The following DHRSX variants were observed in gnomAD, a reference collection of about 807,000 sequenced individuals.
DHRSX encodes dehydrogenase/reductase X-linked.
DHRSX carries 31 observed loss-of-function variants against 34.0 expected under a neutral mutation model. That is an observed-to-expected ratio of 0.91 (90% CI 0.69 to 1.23). The LOEUF (loss-of-function observed/expected upper bound fraction) is 1.23, where lower values mean the gene tolerates loss of function less well. Ranked by LOEUF, DHRSX falls within the 50% of genes most tolerant of loss-of-function variation. The pLI is 0.00. For synonymous variants in DHRSX, 201 were observed against 183.8 expected, an observed-to-expected ratio of 1.09 and a Z score of -0.76; for missense variants, 414 against 428.1, an observed-to-expected ratio of 0.97 and a Z score of 0.29.
chrX:2,488,760 C>A (rs771586037), intron 1 of DHRSX: 3 of 1,613,836 alleles, frequency 1.9e-6, no homozygotes, highest in African/African-American at 1.3e-5. Context: ...GCCTCTGCCC[C>A]ACTCCGGGCG....
At chrX:2,268,589 T>G (rs1488772427) in intron 4 of DHRSX, among the ~76,000 whole-genome samples, 1 of 152,256 alleles carries the variant, frequency 6.6e-6, no homozygotes, top group Non-Finnish European at 1.5e-5. Flanking sequence ...AGATTCATTT[T>G]CAAATGCCTA....
At chrX:2,352,837 C>A (rs2042804550) in intron 3 of DHRSX, among the ~76,000 whole-genome samples, 1 of 152,170 alleles carries the variant, frequency 6.6e-6, no homozygotes, top group South Asian at 2.1e-4. Flanking sequence ...TTCGGACCAG[C>A]ACGGGCATTG....
intron 6 of DHRSX, among the ~76,000 whole-genome samples, chrX:2,231,477 ATCC>A (rs1045892512): frequency 6.3e-5 from 7 of 110,514 alleles, no homozygotes; most frequent in East Asian, 3.0e-4. Flanking sequence ...CCCCCATCTT[ATCC>A]TCCTCCTCTT....
chrX:2,313,006 A>T (rs867060551), intron 3 of DHRSX, among the ~76,000 whole-genome samples: 4,886 of 144,146 alleles, frequency 0.034, 247 homozygotes, highest in African/African-American at 0.11. Context: ...CAAGATATAT[A>T]TTTTTTTTTT....
At chrX:2,253,509 G>A (rs1307313925) in intron 5 of DHRSX, among the ~76,000 whole-genome samples, 3 of 152,224 alleles carry the variant, frequency 2.0e-5, no homozygotes, top group African/African-American at 7.2e-5. Flanking sequence ...TCCAGCCTGG[G>A]AGGCGGACAT....
intron 4 of DHRSX, among the ~76,000 whole-genome samples, chrX:2,290,843 TA>T (rs1276407399): frequency 6.6e-6 from 1 of 152,088 alleles, no homozygotes; most frequent in Non-Finnish European, 1.5e-5. Context: ...TTATAAAAAA[TA>T]AAATGGACTG....
chrX:2,488,291 C>A (rs1170929180), intron 1 of DHRSX: 5 of 257,646 alleles, frequency 1.9e-5, no homozygotes, highest in Non-Finnish European at 3.6e-5. Context: ...ATTCTCTGGC[C>A]TCAGCCTCCA....
chrX:2,300,365 G>A (rs1451182159), intron 3 of DHRSX, among the ~76,000 whole-genome samples: 2 of 152,152 alleles, frequency 1.3e-5, no homozygotes, highest in Non-Finnish European at 2.9e-5. Context: ...TATAATCAGA[G>A]AAACACACAC....
intron 3 of DHRSX, chrX:2,336,314 GT>G (rs2042562975): frequency 6.6e-6 from 1 of 152,164 alleles, no homozygotes; most frequent in Non-Finnish European, 1.5e-5. Context: ...GACTGCAGTA[GT>G]GAGTCTTAGT....
At chrX:2,481,634 C>A (rs2044772932) in intron 1 of DHRSX, among the ~76,000 whole-genome samples, 1 of 151,906 alleles carries the variant, frequency 6.6e-6, no homozygotes, top group Non-Finnish European at 1.5e-5. Flanking sequence ...CCATTGCACT[C>A]CAGCCTGGGC....
intron 2 of DHRSX, among the ~76,000 whole-genome samples, chrX:2,424,248 T>C (rs2043815436): frequency 6.6e-6 from 1 of 151,978 alleles, no homozygotes; most frequent in Non-Finnish European, 1.5e-5. Flanking sequence ...ACATCCAGCC[T>C]CCAGGACTGT....
chrX:2,329,286 G>C (rs1338038775), intron 3 of DHRSX, among the ~76,000 whole-genome samples: 2 of 152,054 alleles, frequency 1.3e-5, no homozygotes, highest in Non-Finnish European at 2.9e-5. Flanking sequence ...TCAAATAGAA[G>C]GCTTTGTTTG....
Position 2,274,374 on chromosome X carries a change from G to A in DHRSX, c.389-7427C>T, listed in dbSNP as rs150280439. On this transcript the variant is annotated intron_variant, in intron 4 of 6. Coordinates refer to ENST00000334651, the MANE Select transcript of DHRSX (RefSeq NM_145177.3). Reference sequence around the variant, plus strand: ...ATTATTTTTTTGGAGACAGAGTCTCGCTCTGTCAACCAAGCTGGAGTGCAG... The same window carrying A: ...ATTATTTTTTTGGAGACAGAGTCTCACTCTGTCAACCAAGCTGGAGTGCAG... Among the ~76,000 whole-genome samples, 380 of 151,372 alleles carry A rather than the reference G, an allele frequency of 2.5e-3. 5 individuals carry two copies. Among genetic ancestry groups the A allele is most frequent in the Admixed American group, 0.018 (267 of 15,164 alleles).
chrX:2,353,580 T>C (rs900007552), intron 3 of DHRSX, among the ~76,000 whole-genome samples: 3 of 130,002 alleles, frequency 2.3e-5, no homozygotes, highest in African/African-American at 5.7e-5. Context: ...TTATAGCTGA[T>C]TGCATTTTTT....
intron 5 of DHRSX, among the ~76,000 whole-genome samples, chrX:2,247,219 G>T (rs1205890668): frequency 6.6e-6 from 1 of 152,078 alleles, no homozygotes; most frequent in Admixed American, 6.6e-5. Context: ...AAAGTGCTGG[G>T]ATTACAGGTG....
intron 4 of DHRSX, among the ~76,000 whole-genome samples, chrX:2,270,054 T>C (rs2041529082): frequency 6.6e-6 from 1 of 152,198 alleles, no homozygotes; most frequent in East Asian, 1.9e-4. Context: ...TAGAGGTGTA[T>C]CCGTAGGTGT....
chrX:2,488,481 C>T, intron 1 of DHRSX: 1 of 1,063,788 alleles, frequency 9.4e-7, no homozygotes, highest in Non-Finnish European at 1.3e-6. Context: ...GACCCTCTCT[C>T]ACTTCTCAAA....
At chrX:2,402,652 AG>A (rs1384074372) in intron 3 of DHRSX, among the ~76,000 whole-genome samples, 5 of 152,294 alleles carry the variant, frequency 3.3e-5, no homozygotes, top group South Asian at 4.1e-4. Flanking sequence ...TGGACATACC[AG>A]GGCCACCACT....
At chrX:2,362,098 G>T (rs192844766) in intron 3 of DHRSX, among the ~76,000 whole-genome samples, 31 of 152,262 alleles carry the variant, frequency 2.0e-4, no homozygotes. Flanking sequence ...TGGAAAAGAG[G>T]CTACAGGCTA....
Sources: gnomAD v4.1 joint callset for allele counts (sites outside exome capture counted in the v4.1 genomes callset) on GRCh38, gnomAD v4.1.1 for gene constraint, MANE v1.5 for transcripts, NCBI Gene and HGNC (gene_info 2026-07-23, HGNC 2026-07-21) for gene names.